SOS1: variants seen among roughly 807,000 people sequenced by gnomAD.
SOS1 encodes son of sevenless homolog 1.
Under a neutral mutation model 157.6 loss-of-function variants are expected in SOS1, and 25 were observed. That is an observed-to-expected ratio of 0.16 (90% CI 0.12 to 0.22). The LOEUF (loss-of-function observed/expected upper bound fraction) is 0.22. Among genes scored for constraint, SOS1 ranks in the 10% least tolerant of loss-of-function variants. The pLI, the probability that SOS1 is intolerant of heterozygous loss-of-function variation, is 1.00. For synonymous variants in SOS1, 528 were observed against 534.0 expected, an observed-to-expected ratio of 0.99 and a Z score of 0.16; for missense variants, 1,237 against 1,599.1, an observed-to-expected ratio of 0.77 and a Z score of 3.86.
intron 1 of SOS1, among the ~76,000 whole-genome samples, chr2:39,107,933 C>G (rs115734640): frequency 8.3e-4 from 127 of 152,290 alleles, no homozygotes; most frequent in African/African-American, 2.6e-3. Flanking sequence ...GTCCATCAAA[C>G]AGGCCTTCCA....
intron 1 of SOS1, among the ~76,000 whole-genome samples, chr2:39,081,563 G>A (rs1336198066): frequency 2.6e-5 from 4 of 152,142 alleles, no homozygotes; most frequent in East Asian, 1.9e-4. Context: ...GGTAGCTTAC[G>A]CCTGTAATCC....
chr2:39,058,586 A>G, intron 3 of SOS1, 87 bp downstream of exon 3: 1 of 1,409,914 alleles, frequency 7.1e-7, no homozygotes, highest in Non-Finnish European at 9.9e-7. Context: ...AGTTGACTCA[A>G]TTATCCATAA....
At chr2:39,008,721 ACAT>A (rs1387179215) in intron 15 of SOS1, among the ~76,000 whole-genome samples, 1 of 152,194 alleles carries the variant, frequency 6.6e-6, no homozygotes, top group African/African-American at 2.4e-5. Context: ...ATTGTTGAAA[ACAT>A]CAGAGCAATC....
rs1668438019 is a variant in SOS1, at chr2:38,982,658, CAACACT to C, written c.*3160_*3165del. 6.6e-6 allele frequency: 1 copy of C among 152,098 alleles called. No individual in the cohort carries two copies. Among genetic ancestry groups the C allele is most frequent in the South Asian group, 2.1e-4 (1 of 4,828 alleles). The allele number at this position is 152,098 out of a possible 1,614,324, so 9.4% of individuals were successfully genotyped here. A position where few individuals can be genotyped will look rare whatever the true frequency, so the allele number is the denominator to read the frequency against. On this transcript the variant is annotated 3_prime_UTR_variant, in exon 23 of 23. Transcript: ENST00000402219. ...ACAAAAAGGTTTTCTTCAATATGTA[CAACACT>C]AATAAATTGGGACACTCCTCCTATT...
At chr2:39,011,315 A>G (rs1289691144) in intron 14 of SOS1, among the ~76,000 whole-genome samples, 1 of 152,218 alleles carries the variant, frequency 6.6e-6, no homozygotes, top group Non-Finnish European at 1.5e-5. Context: ...CTTTCCCAGC[A>G]CTTATAAACA....
At chr2:39,069,807 C>T (rs972303962) in intron 1 of SOS1, among the ~76,000 whole-genome samples, 7 of 152,162 alleles carry the variant, frequency 4.6e-5, no homozygotes, top group African/African-American at 1.4e-4. Flanking sequence ...CTTGGCCTTC[C>T]AAAGTGCTGG....
intron 6 of SOS1, among the ~76,000 whole-genome samples, chr2:39,035,841 A>G (rs1366776489): frequency 1.3e-5 from 2 of 152,214 alleles, no homozygotes; most frequent in Non-Finnish European, 2.9e-5. Flanking sequence ...AAGAATATAG[A>G]TATGTACAAC....
In SOS1 at chr2:39,120,488, G is replaced by A. The variant is rs556041665; in HGVS notation, c.-66C>T. ...GCGGCCGGGCCAGGGAGCCGCGAGAGGGCGAGCTCGCAGCGCGGAACAGGG... is the reference window on the plus strand; with the variant it reads ...GCGGCCGGGCCAGGGAGCCGCGAGAAGGCGAGCTCGCAGCGCGGAACAGGG... On this transcript the variant is annotated 5_prime_UTR_variant, in exon 1 of 23. Transcript: ENST00000402219. The A allele has an allele frequency of 2.1e-6, 3 of 1,406,800 alleles. No individual in the cohort carries two copies. Among genetic ancestry groups the A allele is most frequent in the South Asian group, 2.9e-5 (2 of 69,580 alleles). The allele number at this position is 1,406,800 out of a possible 1,614,324, so 87.1% of individuals were successfully genotyped here.
chr2:39,000,642 G>C (rs1047742550), intron 17 of SOS1, among the ~76,000 whole-genome samples: 5 of 152,030 alleles, frequency 3.3e-5, no homozygotes, highest in African/African-American at 1.2e-4. Flanking sequence ...AGGCTTCTCT[G>C]GCATTTGTCC....
At chr2:39,036,490 A>C (rs765557066) in intron 6 of SOS1, among the ~76,000 whole-genome samples, 3 of 152,066 alleles carry the variant, frequency 2.0e-5, no homozygotes, top group Non-Finnish European at 4.4e-5. Context: ...ATCTGGGACC[A>C]CAGGCGCACA....
At chr2:39,096,930 C>G (rs1672787453) in intron 1 of SOS1, among the ~76,000 whole-genome samples, 1 of 151,930 alleles carries the variant, frequency 6.6e-6, no homozygotes, top group Non-Finnish European at 1.5e-5. Flanking sequence ...TACTTTTCTT[C>G]AAGCAATATA....
chr2:38,997,473 A>AG (rs770667522), intron 17 of SOS1, 48 bp from the exon 18 acceptor site: 7 of 1,245,958 alleles, frequency 5.6e-6, no homozygotes, highest in African/African-American at 1.9e-5. Flanking sequence ...GGAAAATGCA[A>AG]GTTTTTTTCT....
intron 1 of SOS1, 116 bp downstream of exon 1, chr2:39,120,220 G>C: frequency 1.1e-6 from 1 of 922,528 alleles, no homozygotes; most frequent in Non-Finnish European, 1.5e-6. Context: ...TCCTTTTGGA[G>C]ACGCGGCGAG....
chr2:39,022,764 T>A lies in SOS1; in HGVS notation c.1664A>T (p.Asp555Val). The part of the protein sequence containing the change: ...QYRSTLERML[D>V]VTMLQEEKEE... ...TTTCTCTTCCTGTAGCATTGTTACA[T>A]CAAGCATCCTTTCCAGTGTACTCCG... Residue 555 changes from aspartate to valine, a missense_variant, in exon 10 of 23, where the codon GAT becomes GTT. By Grantham distance (152) the Asp-to-Val change is radical. Transcript: ENST00000402219. The A allele has an allele frequency of 6.2e-7, 1 of 1,613,754 alleles. No individual in the cohort carries two copies. The highest frequency in any genetic ancestry group is 8.5e-7 in the Non-Finnish European group (1 of 1,179,692).
intron 1 of SOS1, among the ~76,000 whole-genome samples, chr2:39,094,413 C>T (rs891715931): frequency 4.0e-5 from 6 of 151,852 alleles, no homozygotes; most frequent in African/African-American, 1.2e-4. Flanking sequence ...TTTGGGAGGC[C>T]GAGGCAGGTG....
At chr2:39,068,897 T>G (rs1170557983) in intron 1 of SOS1, among the ~76,000 whole-genome samples, 1 of 151,952 alleles carries the variant, frequency 6.6e-6, no homozygotes, top group African/African-American at 2.4e-5. Flanking sequence ...CAATACATGT[T>G]CCAAAACATG....
At chr2:39,115,491 T>G (rs1163086366) in intron 1 of SOS1, among the ~76,000 whole-genome samples, 1 of 143,738 alleles carries the variant, frequency 7.0e-6, no homozygotes, top group Admixed American at 7.2e-5. Flanking sequence ...CACACCTCAC[T>G]GCAGCCTTGA....
At chr2:39,003,041 T>C (rs1205542588) in intron 17 of SOS1, among the ~76,000 whole-genome samples, 1 of 144,356 alleles carries the variant, frequency 6.9e-6, no homozygotes, top group African/African-American at 2.8e-5. Flanking sequence ...CTCTCTAGCC[T>C]GGGTGATAAA....
intron 14 of SOS1, among the ~76,000 whole-genome samples, chr2:39,011,190 C>T (rs1443818686): frequency 2.0e-5 from 3 of 152,124 alleles, no homozygotes; most frequent in African/African-American, 7.2e-5. Flanking sequence ...AGCCACAATG[C>T]CCAGCCTTTA....
Sources: gnomAD v4.1 joint callset for allele counts (sites outside exome capture counted in the v4.1 genomes callset) on GRCh38, gnomAD v4.1.1 for gene constraint, MANE v1.5 for transcripts, NCBI Gene and HGNC (gene_info 2026-07-23, HGNC 2026-07-21) for gene names.